The following CLOCK variants were observed in gnomAD, a reference collection of about 807,000 sequenced individuals.
CLOCK encodes circadian locomoter output cycles protein kaput.
CLOCK carries 43 observed loss-of-function variants against 118.4 expected under a neutral mutation model. The observed-to-expected ratio is 0.36, with a 90% CI of 0.28 to 0.47. CLOCK has a LOEUF of 0.47. Ranked by LOEUF, CLOCK falls within the 20% of genes least tolerant of loss-of-function variation. The pLI is 1.00. For synonymous variants in CLOCK, 326 were observed against 339.2 expected (o/e 0.96, Z 0.43); for missense variants, 846 against 999.9 (o/e 0.85, Z 2.08).
At chr4:55,435,871 G>A (rs1433897870) in intron 22 of CLOCK, among the ~76,000 whole-genome samples, 5 of 152,246 alleles carry the variant, frequency 3.3e-5, no homozygotes, top group East Asian at 1.9e-4. Flanking sequence ...AATCACACAC[G>A]TTCTTTCACT....
At chr4:55,478,761 G>C in intron 6 of CLOCK, 54 bp downstream of exon 6, 1 of 1,562,832 alleles carries the variant, frequency 6.4e-7, no homozygotes, top group Non-Finnish European at 8.8e-7. Context: ...TCTCTGCCAA[G>C]ATTCTAACTA....
chr4:55,435,129 T>G lies in CLOCK; in HGVS notation c.*286A>C, dbSNP rs888600636. 2 of 413,888 alleles carry G rather than the reference T, an allele frequency of 4.8e-6. No individual in the cohort carries two copies. Among genetic ancestry groups the G allele is most frequent in the African/African-American group, 4.1e-5 (2 of 49,144 alleles). 25.6% of individuals were successfully genotyped at this position (413,888 alleles called of 1,614,324 possible). ...CTGGAGGTCATTTCATAGCTGAGCTTCTTAATATTTGGCAATATATTCTTT... is the reference window on the plus strand; with the variant it reads ...CTGGAGGTCATTTCATAGCTGAGCTGCTTAATATTTGGCAATATATTCTTT... On this transcript the variant is annotated 3_prime_UTR_variant, in exon 23 of 23. Transcript: ENST00000513440.
At chr4:55,513,660 T>C (rs1490534035) in intron 1 of CLOCK, among the ~76,000 whole-genome samples, 2 of 152,130 alleles carry the variant, frequency 1.3e-5, no homozygotes, top group African/African-American at 2.4e-5. Flanking sequence ...TATAAACTTA[T>C]TGGAATCAGT....
intron 9 of CLOCK, among the ~76,000 whole-genome samples, chr4:55,461,439 A>G (rs1300642752): frequency 1.3e-5 from 2 of 152,192 alleles, no homozygotes; most frequent in Non-Finnish European, 2.9e-5. Flanking sequence ...CTGGACCTCC[A>G]TGAGGCAAAA....
intron 2 of CLOCK, among the ~76,000 whole-genome samples, chr4:55,497,728 G>A (rs1334155285): frequency 6.6e-6 from 1 of 152,148 alleles, no homozygotes; most frequent in Non-Finnish European, 1.5e-5. Flanking sequence ...TTGCTATATG[G>A]TAGCAACAGG....
chr4:55,475,026 T>C (rs1238469431), intron 7 of CLOCK, among the ~76,000 whole-genome samples: 1 of 152,184 alleles, frequency 6.6e-6, no homozygotes, highest in African/African-American at 2.4e-5. Flanking sequence ...TTCCCATAGA[T>C]AGTGATTCAT....
chr4:55,546,073 G>A (rs998388187), intron 1 of CLOCK: 1 of 152,366 alleles, frequency 6.6e-6, no homozygotes, highest in Non-Finnish European at 1.5e-5. Flanking sequence ...GGGTTCCCCG[G>A]AGGAGCTGGC....
chr4:55,504,283 C>CAAAAAAAAAAAAAAAA (rs35414558), intron 2 of CLOCK, among the ~76,000 whole-genome samples: 2 of 51,950 alleles, frequency 3.8e-5, no homozygotes, highest in African/African-American at 7.1e-5. Flanking sequence ...GAGACTCCAT[C>CAAAAAAAAAAAAAAAA]AAAAAAAAAA....
At chr4:55,484,347 T>C (rs977453841) in intron 3 of CLOCK, among the ~76,000 whole-genome samples, 1 of 151,906 alleles carries the variant, frequency 6.6e-6, no homozygotes, top group Non-Finnish European at 1.5e-5. Context: ...CTCGCTACCA[T>C]ACCCAGGGCT....
intron 1 of CLOCK, among the ~76,000 whole-genome samples, chr4:55,526,290 A>G (rs1730180316): frequency 6.6e-6 from 1 of 152,196 alleles, no homozygotes; most frequent in Non-Finnish European, 1.5e-5. Flanking sequence ...AAAAGAAATG[A>G]CATAAATAGG....
intron 1 of CLOCK, among the ~76,000 whole-genome samples, chr4:55,539,591 AAAAAAAAAAG>A (rs1731127141): frequency 6.6e-6 from 1 of 151,078 alleles, no homozygotes; most frequent in Admixed American, 6.6e-5. Context: ...AAAAAAAAAA[AAAAAAAAAAG>A]GTGAAATTGA....
Position 55,458,918 on chromosome 4 carries a change from T to C in CLOCK, c.766A>G (p.Arg256Gly). Residue 256 changes from arginine to glycine, a missense_variant, in exon 11 of 23, where the codon AGG becomes GGG. Arg to Gly is a moderately radical substitution (Grantham distance 125, BLOSUM62 -2). Coordinates refer to ENST00000513440, the MANE Select transcript of CLOCK (RefSeq NM_004898.4). ...EDRVCFVATV[R>G]LATPQFIKEM... ...TTGATGAACTGAGGTGTAGCTAACCTGACAGTAGCTACAAAACAAACTCTA... is the reference window on the plus strand; with the variant it reads ...TTGATGAACTGAGGTGTAGCTAACCCGACAGTAGCTACAAAACAAACTCTA... 1 of 1,613,132 alleles carries C rather than the reference T, an allele frequency of 6.2e-7. No individual in the cohort carries two copies. The highest frequency in any genetic ancestry group is 8.5e-7 in the Non-Finnish European group (1 of 1,179,250).
chr4:55,542,922 C>A (rs1017350428), intron 1 of CLOCK, among the ~76,000 whole-genome samples: 17 of 152,044 alleles, frequency 1.1e-4, no homozygotes, highest in South Asian at 4.1e-4. Flanking sequence ...TCTAAAGAGT[C>A]CTATAAAATT....
In CLOCK at chr4:55,435,458, C is replaced by T. The variant is rs1330196153; in HGVS notation, c.2498G>A (p.Arg833Lys). The T allele has an allele frequency of 1.9e-6, 3 of 1,614,030 alleles. No homozygotes were observed. The highest frequency in any genetic ancestry group is 1.7e-5 in the Admixed American group (1 of 60,008). The change falls in exon 23 of 23, where the codon AGG becomes AAG. Residue 833 changes from arginine (R) to lysine (K), a missense_variant. By Grantham distance (26) the Arg-to-Lys change is conservative. This residue lies in a region of CLOCK where 520 missense variants were observed against 558.0 expected (regional missense o/e 0.93). Transcript: ENST00000513440. ...SQQQQQLSRH[R>K]TDSLPDPSKV... ...GGAAGGGTCGGGCAAGCTGTCAGTCCTGTGCCGGCTGAGTTGCTGCTGTTG... is the reference window on the plus strand; with the variant it reads ...GGAAGGGTCGGGCAAGCTGTCAGTCTTGTGCCGGCTGAGTTGCTGCTGTTG...
intron 1 of CLOCK, among the ~76,000 whole-genome samples, chr4:55,533,311 G>A (rs771959140): frequency 2.0e-5 from 3 of 152,036 alleles, no homozygotes; most frequent in East Asian, 1.9e-4. Flanking sequence ...AGAAATAAAC[G>A]CTCGCACATG....
At chr4:55,439,889 G>A (rs562745816) in intron 21 of CLOCK, among the ~76,000 whole-genome samples, 7 of 152,116 alleles carry the variant, frequency 4.6e-5, no homozygotes, top group Non-Finnish European at 7.4e-5. Flanking sequence ...TTTCTGTTTG[G>A]GAAGATGAAA....
chr4:55,484,554 A>AT (rs1333500718), intron 3 of CLOCK, among the ~76,000 whole-genome samples: 1 of 152,168 alleles, frequency 6.6e-6, no homozygotes, highest in Non-Finnish European at 1.5e-5. Context: ...CAACAGACAT[A>AT]TTTATCTTCA....
intron 1 of CLOCK, among the ~76,000 whole-genome samples, chr4:55,519,186 G>C (rs1560473557): frequency 6.6e-6 from 1 of 152,102 alleles, no homozygotes; most frequent in African/African-American, 2.4e-5. Context: ...GGAGCAGCTA[G>C]AACTACAGGC....
chr4:55,473,336 T>A (rs548211776), intron 7 of CLOCK, among the ~76,000 whole-genome samples: 1 of 152,324 alleles, frequency 6.6e-6, no homozygotes, highest in South Asian at 2.1e-4. Flanking sequence ...ATACTAGTGT[T>A]TACTTCATAA....
Sources: allele counts gnomAD v4.1 joint callset (sites outside exome capture counted in the v4.1 genomes callset), GRCh38; gene constraint gnomAD v4.1.1; regional missense constraint gnomAD v4.1.1; transcripts MANE v1.5; gene names NCBI Gene and HGNC (gene_info 2026-07-23, HGNC 2026-07-21).